Variants in LTBP1 observed in about 807,000 individuals in gnomAD.
The protein encoded by LTBP1 is latent-transforming growth factor beta-binding protein 1.
LTBP1 carries 129 observed loss-of-function variants against 207.6 expected under a neutral mutation model. The observed-to-expected ratio is 0.62, with a 90% CI of 0.54 to 0.72. The LOEUF (loss-of-function observed/expected upper bound fraction) is 0.72, where lower values mean the gene tolerates loss of function less well. Among genes scored for constraint, LTBP1 ranks in the 30% least tolerant of loss-of-function variants. The pLI is 0.00. For missense variants in LTBP1, 2,281 were observed against 2,217.2 expected (o/e 1.03, Z -0.58); for synonymous variants, 963 against 833.7 (o/e 1.16, Z -2.67).
At chr2:33,304,005 C>G (rs997948219) in intron 22 of LTBP1, among the ~76,000 whole-genome samples, 7 of 152,186 alleles carry the variant, frequency 4.6e-5, no homozygotes, top group Admixed American at 2.0e-4. Context: ...GCATGTTCCT[C>G]GCTTTGTCTC....
intron 22 of LTBP1, among the ~76,000 whole-genome samples, chr2:33,301,993 A>T (rs2149013767): frequency 6.6e-6 from 1 of 152,368 alleles, no homozygotes; most frequent in Admixed American, 6.5e-5. Flanking sequence ...AAGTAAATAC[A>T]ACTTAATTTT....
At chr2:33,322,943 T>C (rs769202466) in intron 24 of LTBP1, among the ~76,000 whole-genome samples, 41 of 152,232 alleles carry the variant, frequency 2.7e-4, no homozygotes, top group Non-Finnish European at 4.3e-4. Flanking sequence ...ACCTTGTTTA[T>C]TGTTCTTTGT....
intron 2 of LTBP1, among the ~76,000 whole-genome samples, chr2:32,981,266 A>C (rs1682723909): frequency 6.6e-6 from 1 of 151,922 alleles, no homozygotes; most frequent in African/African-American, 2.4e-5. Flanking sequence ...TTCATTCTTT[A>C]ATTGTGTATT....
chr2:32,993,811 A>T (rs1684815460), intron 2 of LTBP1, among the ~76,000 whole-genome samples: 1 of 152,178 alleles, frequency 6.6e-6, no homozygotes, highest in African/African-American at 2.4e-5. Flanking sequence ...AGGCCATTGG[A>T]ACCAGCTCAG....
intron 3 of LTBP1, among the ~76,000 whole-genome samples, chr2:33,058,645 C>T (rs2077125337): frequency 6.6e-6 from 1 of 152,148 alleles, no homozygotes; most frequent in Admixed American, 6.5e-5. Flanking sequence ...AAATTGATAG[C>T]TGCTATCAAT....
At chr2:33,215,896 G>A (rs1474845172) in intron 7 of LTBP1, among the ~76,000 whole-genome samples, 3 of 151,844 alleles carry the variant, frequency 2.0e-5, no homozygotes, top group Non-Finnish European at 4.4e-5. Flanking sequence ...TTGTATTTTA[G>A]TAGAGACAGG....
At chr2:33,290,057 G>C (rs1047450024) in intron 19 of LTBP1, among the ~76,000 whole-genome samples, 1 of 152,202 alleles carries the variant, frequency 6.6e-6, no homozygotes, top group Non-Finnish European at 1.5e-5. Flanking sequence ...TGAGAGCCTT[G>C]TGCTGCGTCT....
At chr2:33,139,737 T>G (rs2082489483) in intron 5 of LTBP1, among the ~76,000 whole-genome samples, 1 of 152,050 alleles carries the variant, frequency 6.6e-6, no homozygotes, top group South Asian at 2.1e-4. Context: ...AGAAGCAAAG[T>G]TGACATGGGA....
intron 4 of LTBP1, among the ~76,000 whole-genome samples, chr2:33,124,633 G>C (rs567426109): frequency 9.2e-5 from 14 of 152,302 alleles, no homozygotes; most frequent in African/African-American, 2.9e-4. Flanking sequence ...AATTTTCCTA[G>C]ATTTAGAAGT....
intron 19 of LTBP1, among the ~76,000 whole-genome samples, chr2:33,281,139 G>T (rs2093552596): frequency 6.6e-6 from 1 of 152,136 alleles, no homozygotes; most frequent in South Asian, 2.1e-4. Flanking sequence ...GATATATTGA[G>T]AGGAAAAACT....
intron 3 of LTBP1, among the ~76,000 whole-genome samples, chr2:33,096,034 T>C (rs1572615607): frequency 1.3e-5 from 2 of 152,154 alleles, no homozygotes; most frequent in East Asian, 3.9e-4. Flanking sequence ...AGAAGCTCAG[T>C]AAACCCCAGG....
chr2:33,087,209 G>A (rs77825163), intron 3 of LTBP1, among the ~76,000 whole-genome samples: 12,134 of 149,302 alleles, frequency 0.081, 536 homozygotes, highest in Middle Eastern at 0.12. Flanking sequence ...CGAGTATCTG[G>A]GACTACAGTT....
chr2:33,308,194 A>G (rs2094128144), intron 22 of LTBP1, among the ~76,000 whole-genome samples: 1 of 152,200 alleles, frequency 6.6e-6, no homozygotes, highest in Non-Finnish European at 1.5e-5. Context: ...TGCTTTGACT[A>G]GGGGTAAACA....
At chr2:33,115,740 A>G (rs1050003799) in intron 4 of LTBP1, among the ~76,000 whole-genome samples, 1 of 152,130 alleles carries the variant, frequency 6.6e-6, no homozygotes, top group Non-Finnish European at 1.5e-5. Context: ...TTTTTAACCC[A>G]GAGGAAGAAA....
At position 33,104,663 on chromosome 2, in the gene LTBP1, A is replaced by G. The variant is rs115842752; in HGVS notation, c.864-5919A>G. Among the ~76,000 whole-genome samples the G allele has an allele frequency of 8.0e-3, 1,213 of 152,178 alleles. 11 individuals are homozygous for G. The highest frequency in any genetic ancestry group is 0.01 in the Middle Eastern group (3 of 294). ...TATGTCCCTACCATTAAGTGTGAGT[A>G]TCCTCCAAGACTGTGTGGCTCCCTG... On this transcript the variant is annotated intron_variant, in intron 3 of 33. Transcript: ENST00000404816.
chr2:33,018,223 T>C (rs1297470018), intron 2 of LTBP1, among the ~76,000 whole-genome samples: 2 of 149,932 alleles, frequency 1.3e-5, no homozygotes, highest in Non-Finnish European at 3.0e-5. Flanking sequence ...TTTGAAGAGT[T>C]AAAAAAAAAT....
chr2:33,073,543 T>C (rs1307630271), intron 3 of LTBP1, among the ~76,000 whole-genome samples: 3 of 152,236 alleles, frequency 2.0e-5, no homozygotes, highest in Non-Finnish European at 4.4e-5. Flanking sequence ...TTCTTTCTTC[T>C]TCCCTTTTTA....
chr2:33,202,386 C>A (rs1237688966), intron 7 of LTBP1, among the ~76,000 whole-genome samples: 1 of 152,104 alleles, frequency 6.6e-6, no homozygotes, highest in Non-Finnish European at 1.5e-5. Context: ...CTTTGGAAAT[C>A]TTTTCTCAGT....
chr2:33,234,306 CT>C (rs1322059506), intron 9 of LTBP1, among the ~76,000 whole-genome samples: 1 of 152,032 alleles, frequency 6.6e-6, no homozygotes, highest in Non-Finnish European at 1.5e-5. Context: ...ATGTTTATTT[CT>C]TTCTAGAAGG....
Sources: gnomAD v4.1 joint callset for allele counts (sites outside exome capture counted in the v4.1 genomes callset) on GRCh38, gnomAD v4.1.1 for gene constraint, MANE v1.5 for transcripts, NCBI Gene and HGNC (gene_info 2026-07-23, HGNC 2026-07-21) for gene names.